Variants in EYS observed in about 807,000 individuals in gnomAD.
EYS encodes the protein EGF-like photoreceptor maintenance factor, also known as protein eyes shut homolog.
EYS carries 250 observed loss-of-function variants against 282.1 expected under a neutral mutation model. The observed-to-expected ratio is 0.89, with a 90% CI of 0.80 to 0.98. The LOEUF (loss-of-function observed/expected upper bound fraction) is 0.98. EYS is among the 50% of genes least tolerant of loss of function. The pLI is 0.00. For synonymous variants in EYS, 1,355 were observed against 1,282.9 expected, an observed-to-expected ratio of 1.06 and a Z score of -1.20; for missense variants, 4,016 against 3,709.0, an observed-to-expected ratio of 1.08 and a Z score of -2.15.
chr6:64,122,005 CATTAT>C (rs1292273134), intron 31 of EYS, among the ~76,000 whole-genome samples: 76 of 152,138 alleles, frequency 5.0e-4, no homozygotes, highest in African/African-American at 1.7e-3. Flanking sequence ...TTACTATTAG[CATTAT>C]ATTTAGTAAT....
chr6:65,601,754 T>C (rs1765624477), intron 2 of EYS, among the ~76,000 whole-genome samples: 1 of 151,936 alleles, frequency 6.6e-6, no homozygotes, highest in Non-Finnish European at 1.5e-5. Context: ...AAATGTCAAG[T>C]GTGAGACATT....
intron 26 of EYS, among the ~76,000 whole-genome samples, chr6:64,510,944 G>A (rs2150518936): frequency 6.6e-6 from 1 of 152,086 alleles, no homozygotes; most frequent in Admixed American, 6.6e-5. Flanking sequence ...CCACGCTTAA[G>A]AGATCCAGAC....
chr6:64,093,430 T>G (rs1772449390), intron 31 of EYS, among the ~76,000 whole-genome samples: 1 of 152,200 alleles, frequency 6.6e-6, no homozygotes, highest in Admixed American at 6.5e-5. Flanking sequence ...TTTATTTCAT[T>G]GAGCAGTGGT....
chr6:64,702,433 GA>G (rs1770824335), intron 22 of EYS, among the ~76,000 whole-genome samples: 1 of 151,876 alleles, frequency 6.6e-6, no homozygotes, highest in African/African-American at 2.4e-5. Flanking sequence ...GTATAATATA[GA>G]CATTAAAATT....
chr6:64,089,922 C>T lies in EYS; in HGVS notation c.6425-7920G>A, dbSNP rs2150250805. ...ACAAGGAAACAATGTTTTAGAACAC[C>T]CTTTCTCATCCTTCACTGTCACTTC... On this transcript the variant is annotated intron_variant, in intron 31 of 42. Transcript: ENST00000503581. 2.0e-5 allele frequency among the ~76,000 whole-genome samples: 3 copies of T among 152,078 alleles called. No homozygotes were observed. The Middle Eastern group carries it at 0.01, about 517-fold the overall frequency.
At chr6:65,524,562 G>C (rs1767488535) in intron 2 of EYS, among the ~76,000 whole-genome samples, 1 of 152,122 alleles carries the variant, frequency 6.6e-6, no homozygotes, top group Non-Finnish European at 1.5e-5. Context: ...ACTGTAACCA[G>C]CTCTTCAAAA....
At chr6:64,539,380 C>A (rs1764626377) in intron 26 of EYS, among the ~76,000 whole-genome samples, 2 of 151,822 alleles carry the variant, frequency 1.3e-5, no homozygotes, top group Admixed American at 1.3e-4. Flanking sequence ...GCCTGGGAAA[C>A]CTAGCAATAC....
chr6:64,524,754 A>G (rs780337820), intron 26 of EYS, among the ~76,000 whole-genome samples: 2 of 151,494 alleles, frequency 1.3e-5, no homozygotes, highest in Non-Finnish European at 3.0e-5. Context: ...GCTTTTGTCA[A>G]CTTTGCCAAA....
chr6:64,347,403 T>C (rs532420690), intron 29 of EYS, among the ~76,000 whole-genome samples: 2 of 151,508 alleles, frequency 1.3e-5, no homozygotes, highest in Non-Finnish European at 3.0e-5. Flanking sequence ...GTATAGAATA[T>C]TTACAGATAA....
At chr6:64,289,658 C>T (rs1768628929) in intron 30 of EYS, among the ~76,000 whole-genome samples, 1 of 152,016 alleles carries the variant, frequency 6.6e-6, no homozygotes, top group African/African-American at 2.4e-5. Flanking sequence ...TTACGAGGAG[C>T]AGAGTGGAAC....
At chr6:64,235,601 A>T (rs1003789763) in intron 30 of EYS, among the ~76,000 whole-genome samples, 42 of 152,228 alleles carry the variant, frequency 2.8e-4, no homozygotes, top group African/African-American at 1.0e-3. Flanking sequence ...TTGGGTATAT[A>T]CCCAGTAATG....
intron 14 of EYS, among the ~76,000 whole-genome samples, chr6:64,949,605 G>T (rs112270154): frequency 0.016 from 2,425 of 151,872 alleles, 65 homozygotes; most frequent in African/African-American, 0.055. Context: ...GTCACTTATT[G>T]GGGGTGTTAA....
At chr6:64,664,373 TGA>T (rs1402820364) in intron 22 of EYS, among the ~76,000 whole-genome samples, 1 of 152,158 alleles carries the variant, frequency 6.6e-6, no homozygotes, top group Non-Finnish European at 1.5e-5. Context: ...GGGTGTGAGC[TGA>T]GTTACAAGCT....
intron 35 of EYS, among the ~76,000 whole-genome samples, chr6:63,877,482 G>T (rs1352748173): frequency 6.6e-6 from 1 of 152,070 alleles, no homozygotes; most frequent in Non-Finnish European, 1.5e-5. Flanking sequence ...TTTCTTTGTG[G>T]CGTTCTCTGT....
intron 29 of EYS, among the ~76,000 whole-genome samples, chr6:64,363,175 T>C (rs1772073092): frequency 1.3e-5 from 2 of 151,870 alleles, no homozygotes; most frequent in African/African-American, 4.8e-5. Context: ...CTCATTTATT[T>C]GTGATTCTGC....
At chr6:64,453,568 T>C (rs562235084) in intron 26 of EYS, among the ~76,000 whole-genome samples, 1 of 152,322 alleles carries the variant, frequency 6.6e-6, no homozygotes, top group African/African-American at 2.4e-5. Context: ...GTATGTTTAC[T>C]GCGGCACTAT....
intron 28 of EYS, among the ~76,000 whole-genome samples, chr6:64,390,101 C>G (rs556530755): frequency 6.6e-6 from 1 of 152,226 alleles, no homozygotes; most frequent in South Asian, 2.1e-4. Flanking sequence ...GATTATATCC[C>G]GCACCTGGCT....
intron 12 of EYS, among the ~76,000 whole-genome samples, chr6:65,267,124 G>A (rs1490042229): frequency 1.3e-5 from 2 of 151,510 alleles, no homozygotes; most frequent in African/African-American, 4.8e-5. Context: ...CTTTTCAGAA[G>A]CATGTGTGAT....
At chr6:65,587,813 A>G (rs941715458) in intron 2 of EYS, among the ~76,000 whole-genome samples, 50 of 152,124 alleles carry the variant, frequency 3.3e-4, no homozygotes, top group African/African-American at 1.1e-3. Flanking sequence ...TAAAAGTTCA[A>G]TGTAAGTATA....
Sources: gnomAD v4.1 joint callset for allele counts (sites outside exome capture counted in the v4.1 genomes callset) on GRCh38, gnomAD v4.1.1 for gene constraint, MANE v1.5 for transcripts, NCBI Gene and HGNC (gene_info 2026-07-23, HGNC 2026-07-21) for gene names.